The following SLC44A3 variants were observed in gnomAD, a reference collection of about 807,000 sequenced individuals.
SLC44A3 encodes the protein solute carrier family 44 member 3.
A neutral mutation model predicts 75.4 loss-of-function variants in SLC44A3; 74 were observed. The ratio of observed to expected loss-of-function variants is 0.98; its 90% CI spans 0.81 to 1.19. The LOEUF (loss-of-function observed/expected upper bound fraction) is 1.19, where lower values mean the gene tolerates loss of function less well. Ranked by LOEUF, SLC44A3 falls within the 50% of genes most tolerant of loss-of-function variation. The pLI, the probability that SLC44A3 is intolerant of heterozygous loss-of-function variation, is 0.00. For missense variants in SLC44A3, 700 were observed against 778.6 expected (o/e 0.90, Z 1.20); for synonymous variants, 310 against 296.9 (o/e 1.04, Z -0.45).
chr1:94,859,367 G>C (rs1292984672), intron 10 of SLC44A3, among the ~76,000 whole-genome samples: 1 of 152,022 alleles, frequency 6.6e-6, no homozygotes, highest in Non-Finnish European at 1.5e-5. Context: ...GTAAGAAACA[G>C]AGAGGCAATG....
intron 11 of SLC44A3, among the ~76,000 whole-genome samples, chr1:94,867,061 C>G (rs532499957): frequency 6.6e-5 from 10 of 151,808 alleles, no homozygotes; most frequent in Admixed American, 2.0e-4. Context: ...TTTACTGGAA[C>G]CAGAAGGCCT....
At chr1:94,880,242 G>A (rs774452749) in intron 12 of SLC44A3, among the ~76,000 whole-genome samples, 79 of 152,288 alleles carry the variant, frequency 5.2e-4, no homozygotes, top group Middle Eastern at 3.4e-3. Flanking sequence ...CACAGCATAC[G>A]CTCAATGGCC....
chr1:94,854,703 A>G (rs1033814450), intron 9 of SLC44A3, among the ~76,000 whole-genome samples: 5 of 152,002 alleles, frequency 3.3e-5, no homozygotes, highest in African/African-American at 1.2e-4. Context: ...GTTTGTCTAA[A>G]CCAATGGTTC....
intron 2 of SLC44A3, among the ~76,000 whole-genome samples, chr1:94,822,531 T>C (rs958603210): frequency 7.3e-6 from 1 of 136,714 alleles, no homozygotes; most frequent in East Asian, 2.6e-4. Flanking sequence ...CTTTCAGGTC[T>C]TGTGACAGAT....
chr1:94,824,360 C>A, intron 2 of SLC44A3, 133 bp from the exon 3 acceptor site: 1 of 1,034,884 alleles, frequency 9.7e-7, no homozygotes, highest in Non-Finnish European at 1.3e-6. Context: ...CTGTTACTGA[C>A]GGAGCAAAGC....
intron 1 of SLC44A3, 132 bp downstream of exon 1, chr1:94,820,610 C>T: frequency 7.3e-7 from 1 of 1,370,932 alleles, no homozygotes; most frequent in East Asian, 2.9e-5. Flanking sequence ...CGCTTAGTAC[C>T]TTGGGGCCAC....
At chr1:94,860,165 C>T (rs904266903) in intron 10 of SLC44A3, among the ~76,000 whole-genome samples, 32 of 152,092 alleles carry the variant, frequency 2.1e-4, no homozygotes, top group Admixed American at 1.4e-3. Context: ...AACAACAAAG[C>T]AAACTATAAT....
chr1:94,883,393 C>T (rs1479512985), intron 12 of SLC44A3, among the ~76,000 whole-genome samples: 1 of 152,070 alleles, frequency 6.6e-6, no homozygotes, highest in East Asian at 1.9e-4. Context: ...TTTCCAGCTA[C>T]TCGGGAGGCT....
At chr1:94,859,791 C>T (rs988553070) in intron 10 of SLC44A3, among the ~76,000 whole-genome samples, 1 of 152,154 alleles carries the variant, frequency 6.6e-6, no homozygotes, top group Non-Finnish European at 1.5e-5. Context: ...ACACCAGCAC[C>T]CCACATTCCA....
At chr1:94,848,632 G>A (rs1299104592) in intron 9 of SLC44A3, among the ~76,000 whole-genome samples, 1 of 152,156 alleles carries the variant, frequency 6.6e-6, no homozygotes, top group East Asian at 1.9e-4. Context: ...ATTTAATTCA[G>A]AAGTATTTGG....
chr1:94,848,195 C>CT (rs1664701865), intron 9 of SLC44A3, among the ~76,000 whole-genome samples: 1 of 149,810 alleles, frequency 6.7e-6, no homozygotes, highest in African/African-American at 2.5e-5. Flanking sequence ...CACCACTGCA[C>CT]TCCAGCATGG....
At chr1:94,859,295 C>T (rs570062910) in intron 10 of SLC44A3, among the ~76,000 whole-genome samples, 46 of 152,310 alleles carry the variant, frequency 3.0e-4, no homozygotes, top group African/African-American at 1.1e-3. Flanking sequence ...CTAATCTCTT[C>T]CCTTTCTCCA....
At position 94,837,572 on chromosome 1, in the gene SLC44A3, G is replaced by A. The variant is rs1382528808; in HGVS notation, c.510-139G>A. 5.8e-6 allele frequency: 4 copies of A among 687,252 alleles called. No individual in the cohort carries two copies. In the East Asian group the frequency reaches 9.8e-5, roughly 17 times the overall value. 42.6% of individuals were successfully genotyped at this position (687,252 alleles called of 1,614,324 possible). Reference sequence around the variant, plus strand: ...ATACTTGCCTGGCTTTCTAAGGTGTGCTCTGCAAATGGCATGCTAGACGCC... The same window carrying A: ...ATACTTGCCTGGCTTTCTAAGGTGTACTCTGCAAATGGCATGCTAGACGCC... On this transcript the variant is annotated intron_variant, in intron 5 of 14. Coordinates refer to ENST00000271227, the MANE Select transcript of SLC44A3 (RefSeq NM_001114106.3).
chr1:94,878,269 A>AAAG lies in SLC44A3; in HGVS notation c.1482+10853_1482+10854insAGA, dbSNP rs1557878012. On this transcript the variant is annotated intron_variant, in intron 12 of 14. Transcript: ENST00000271227. ...AAAACAAACAAACAAACAAAAAAAA[A>AAAG]ACAGAGAAACTTGGTTGGGGCCCAA... Among the ~76,000 whole-genome samples the AAAG allele has an allele frequency of 6.6e-5, 10 of 151,040 alleles. 1 individual carries two copies. The highest frequency in any genetic ancestry group is 5.9e-4 in the Admixed American group (9 of 15,220).
At chr1:94,877,045 G>A (rs1398565107) in intron 12 of SLC44A3, among the ~76,000 whole-genome samples, 1 of 151,870 alleles carries the variant, frequency 6.6e-6, no homozygotes, top group Non-Finnish European at 1.5e-5. Context: ...GAAGCCCCAT[G>A]TCTCTGGTAC....
intron 9 of SLC44A3, among the ~76,000 whole-genome samples, chr1:94,847,813 C>T (rs1052867459): frequency 3.9e-5 from 6 of 152,046 alleles, no homozygotes; most frequent in South Asian, 4.1e-4. Flanking sequence ...AGTCATGTGC[C>T]GGAGGTCATA....
chr1:94,820,536 C>G (rs939757397), intron 1 of SLC44A3, 58 bp downstream of exon 1: 8 of 1,474,344 alleles, frequency 5.4e-6, no homozygotes, highest in South Asian at 2.5e-5. Flanking sequence ...GTCGAGTCCC[C>G]CGCCTTCACG....
In SLC44A3 at chr1:94,853,017, A is replaced by G. The variant is rs567439857; in HGVS notation, c.1073-4318A>G. On this transcript the variant is annotated intron_variant, in intron 9 of 14. Transcript: ENST00000271227. The stretch of plus-strand genomic sequence containing the variant: ...GAGGTCCTGGCTGGGATTCACATTT[A>G]GGAACTTGGGAACATATTAATAGTA... 9.6e-4 allele frequency among the ~76,000 whole-genome samples: 147 copies of G among 152,356 alleles called. 1 individual carries two copies. Among genetic ancestry groups the G allele is most frequent in the African/African-American group, 3.3e-3 (138 of 41,584 alleles).
intron 5 of SLC44A3, among the ~76,000 whole-genome samples, chr1:94,835,638 TA>T (rs1394928753): frequency 3.9e-5 from 6 of 152,216 alleles, no homozygotes; most frequent in Non-Finnish European, 7.3e-5. Flanking sequence ...GATGTGGGTT[TA>T]AGAATAATCT....
Sources: allele counts gnomAD v4.1 joint callset (sites outside exome capture counted in the v4.1 genomes callset), GRCh38; gene constraint gnomAD v4.1.1; transcripts MANE v1.5; gene names NCBI Gene and HGNC (gene_info 2026-07-23, HGNC 2026-07-21).